EYS: variants seen among roughly 807,000 people sequenced by gnomAD.
EYS encodes the protein protein eyes shut homolog.
EYS carries 250 observed loss-of-function variants against 282.1 expected under a neutral mutation model. That is an observed-to-expected ratio of 0.89 (90% CI 0.80 to 0.98). The LOEUF (loss-of-function observed/expected upper bound fraction) is 0.98, where lower values mean the gene tolerates loss of function less well. Among genes scored for constraint, EYS ranks in the 50% least tolerant of loss-of-function variants. The probability of loss-of-function intolerance (pLI) is 0.00; values close to 1 mark genes in which losing one functional copy is unlikely to be tolerated. For missense variants in EYS, 4,016 were observed against 3,709.0 expected (o/e 1.08, Z -2.15); for synonymous variants, 1,355 against 1,282.9 (o/e 1.06, Z -1.20).
At chr6:64,192,723 A>G (rs1457039983) in intron 31 of EYS, among the ~76,000 whole-genome samples, 3 of 152,210 alleles carry the variant, frequency 2.0e-5, no homozygotes, top group Non-Finnish European at 2.9e-5. Context: ...AAAACCATAA[A>G]AACCCTAGAA....
chr6:65,450,138 A>G (rs898344363), intron 5 of EYS, among the ~76,000 whole-genome samples: 2 of 152,152 alleles, frequency 1.3e-5, no homozygotes, highest in African/African-American at 4.8e-5. Flanking sequence ...GTTTGAAAAC[A>G]AACCAGGTTT....
chr6:63,821,187 T>C (rs1441947645), intron 36 of EYS: 1 of 151,818 alleles, frequency 6.6e-6, no homozygotes, highest in African/African-American at 2.4e-5. Flanking sequence ...TTGTAGGTTT[T>C]TTTTTTTTTT....
At chr6:64,056,534 A>G (rs1770991192) in intron 33 of EYS, among the ~76,000 whole-genome samples, 1 of 152,162 alleles carries the variant, frequency 6.6e-6, no homozygotes. Flanking sequence ...CTGTGTTTCT[A>G]TTACTTTCCC....
At chr6:64,059,689 T>G (rs2149850209) in intron 33 of EYS, among the ~76,000 whole-genome samples, 1 of 152,316 alleles carries the variant, frequency 6.6e-6, no homozygotes, top group Admixed American at 6.5e-5. Flanking sequence ...TTTTAAAGAT[T>G]TTCTTAAGCT....
chr6:65,558,853 C>G (rs1768920870), intron 2 of EYS, among the ~76,000 whole-genome samples: 1 of 152,146 alleles, frequency 6.6e-6, no homozygotes, highest in African/African-American at 2.4e-5. Flanking sequence ...CTGTTTTGCT[C>G]CGTAACTCCA....
At chr6:65,623,629 G>T (rs1422964278) in intron 2 of EYS, among the ~76,000 whole-genome samples, 1 of 152,058 alleles carries the variant, frequency 6.6e-6, no homozygotes, top group Non-Finnish European at 1.5e-5. Context: ...GCGATAAAAG[G>T]TTAGCCTGGA....
chr6:64,191,388 T>C (rs1765099178), intron 31 of EYS, among the ~76,000 whole-genome samples: 1 of 152,134 alleles, frequency 6.6e-6, no homozygotes, highest in Admixed American at 6.6e-5. Flanking sequence ...ATGTGCAGGT[T>C]AGTTACATAT....
At chr6:65,411,123 C>CA (rs1399580724) in intron 5 of EYS, among the ~76,000 whole-genome samples, 1 of 151,896 alleles carries the variant, frequency 6.6e-6, no homozygotes, top group Non-Finnish European at 1.5e-5. Context: ...TAATTCTGTA[C>CA]AAAAAATAGA....
At chr6:64,575,016 G>A (rs1486759670) in intron 26 of EYS, among the ~76,000 whole-genome samples, 2 of 152,080 alleles carry the variant, frequency 1.3e-5, no homozygotes, top group African/African-American at 2.4e-5. Flanking sequence ...AAGAGAGAAA[G>A]TACATAGAGA....
intron 12 of EYS, among the ~76,000 whole-genome samples, chr6:65,240,517 A>G (rs1230912827): frequency 1.3e-5 from 2 of 152,092 alleles, no homozygotes; most frequent in Admixed American, 6.6e-5. Flanking sequence ...GCTTCCATGT[A>G]TAAGTGAGAA....
intron 5 of EYS, among the ~76,000 whole-genome samples, chr6:65,463,031 C>T (rs1764873881): frequency 6.6e-6 from 1 of 151,970 alleles, no homozygotes; most frequent in African/African-American, 2.4e-5. Context: ...TCTATTCCTG[C>T]CCTCATCTCT....
chr6:64,288,573 C>T (rs1257354549), intron 30 of EYS, among the ~76,000 whole-genome samples: 1 of 152,072 alleles, frequency 6.6e-6, no homozygotes, highest in South Asian at 2.1e-4. Flanking sequence ...AATCATTGGT[C>T]CAACTTATTA....
chr6:65,519,708 A>ATATATATATATATATATATTTTTTTTT (rs1554205854), intron 2 of EYS, among the ~76,000 whole-genome samples: 3 of 42,564 alleles, frequency 7.0e-5, no homozygotes, highest in Non-Finnish European at 7.4e-5. Context: ...ATATATATAT[A>ATATATATATATATATATATTTTTTTTT]TTTTTTTTTT....
chr6:65,337,107 A>G (rs1281633480), intron 10 of EYS, among the ~76,000 whole-genome samples: 1 of 151,492 alleles, frequency 6.6e-6, no homozygotes, highest in Non-Finnish European at 1.5e-5. Context: ...ATCTAAATAG[A>G]TGAATGTTTC....
chr6:64,566,321 T>C (rs1765567084), intron 26 of EYS, among the ~76,000 whole-genome samples: 1 of 152,144 alleles, frequency 6.6e-6, no homozygotes, highest in African/African-American at 2.4e-5. Flanking sequence ...TTAAAACCTG[T>C]ATTTGACAGT....
chr6:63,781,906 T>G (rs912436179), intron 39 of EYS, among the ~76,000 whole-genome samples: 3 of 152,192 alleles, frequency 2.0e-5, no homozygotes, highest in African/African-American at 7.2e-5. Flanking sequence ...TAGCTCTTAT[T>G]ATTTTGAGAT....
At chr6:63,723,056 G>A (rs1768467360) in intron 42 of EYS, among the ~76,000 whole-genome samples, 1 of 152,142 alleles carries the variant, frequency 6.6e-6, no homozygotes, top group South Asian at 2.1e-4. Context: ...CCCATAAATA[G>A]ATGCTAAATA....
chr6:65,299,124 C>T (rs16896513), intron 11 of EYS, among the ~76,000 whole-genome samples: 2,788 of 152,026 alleles, frequency 0.018, 76 homozygotes, highest in African/African-American at 0.064. Flanking sequence ...GCCGGGCTTC[C>T]CAAACACTGG....
chr6:64,033,122 G>T (rs537400339), intron 33 of EYS, among the ~76,000 whole-genome samples: 138 of 152,304 alleles, frequency 9.1e-4, no homozygotes, highest in African/African-American at 3.1e-3. Context: ...ACCACATTTA[G>T]ATTTCTTATT....
Sources: allele counts gnomAD v4.1 joint callset (sites outside exome capture counted in the v4.1 genomes callset), GRCh38; gene constraint gnomAD v4.1.1; transcripts MANE v1.5; gene names NCBI Gene and HGNC (gene_info 2026-07-23, HGNC 2026-07-21).